Variants in PAX7 observed in about 807,000 individuals in gnomAD.
The protein encoded by PAX7 is paired box protein Pax-7.
In PAX7, 18 loss-of-function variants were observed where a neutral mutation model predicts 50.7. The ratio of observed to expected loss-of-function variants is 0.36; its 90% confidence interval spans 0.25 to 0.53. PAX7 has a LOEUF of 0.53. PAX7 is among the 20% of genes least tolerant of loss of function. The pLI, the probability that PAX7 is intolerant of heterozygous loss-of-function variation, is 0.93. For synonymous variants in PAX7, 310 were observed against 290.4 expected (o/e 1.07, Z -0.69); for missense variants, 644 against 702.9 (o/e 0.92, Z 0.95).
intron 4 of PAX7, among the ~76,000 whole-genome samples, chr1:18,644,367 T>G (rs2100442518): frequency 6.6e-6 from 1 of 152,298 alleles, no homozygotes; most frequent in Non-Finnish European, 1.5e-5. Context: ...ATTCAACTTC[T>G]TTGGGCCTCA....
At position 18,738,252 on chromosome 1, in the gene PAX7, G is replaced by C. The variant is rs1188223948; in HGVS notation, c.1402+2374G>C. Among the ~76,000 whole-genome samples the C allele has an allele frequency of 5.3e-5, 8 of 152,154 alleles. No homozygotes were observed. In the East Asian group the frequency reaches 1.5e-3, roughly 29 times the overall value. On this transcript the variant is annotated intron_variant, in intron 8 of 8. Transcript: ENST00000420770. ...CCAGAGGGTCCCAGGGTGACCTCCT[G>C]ACCCAGCCCGTGTTCCTGGGCATGC...
At chr1:18,651,393 C>T (rs558776705) in intron 4 of PAX7, among the ~76,000 whole-genome samples, 30 of 152,182 alleles carry the variant, frequency 2.0e-4, no homozygotes, top group African/African-American at 5.8e-4. Flanking sequence ...TGTAAAATTT[C>T]GCATCGTAAA....
At chr1:18,674,720 G>A (rs2088800731) in intron 4 of PAX7, among the ~76,000 whole-genome samples, 1 of 152,242 alleles carries the variant, frequency 6.6e-6, no homozygotes, top group Non-Finnish European at 1.5e-5. Context: ...GCTGATGGGT[G>A]AGAGGGGTTG....
chr1:18,722,619 G>C (rs2089509002), intron 7 of PAX7, among the ~76,000 whole-genome samples: 1 of 152,176 alleles, frequency 6.6e-6, no homozygotes, highest in South Asian at 2.1e-4. Flanking sequence ...TCCCTGCCCT[G>C]TGTGGGTGAG....
At position 18,726,032 on chromosome 1, in the gene PAX7, G is replaced by T. The variant is rs909242150; in HGVS notation, c.1156-9600G>T. On this transcript the variant is annotated intron_variant, in intron 7 of 8. Transcript: ENST00000420770. The surrounding 1 kb of genome is among the most constrained non-coding windows in gnomAD (Gnocchi z 4.8). ...TGCGCGCGTGTGTGTGCGTGTGTTT[G>T]TGTGTGTGTGTGTCTTTGACTTCTT... is the stretch of plus-strand genomic sequence containing the variant. Among the ~76,000 whole-genome samples the T allele has an allele frequency of 1.4e-5, 2 of 138,130 alleles. No homozygotes were observed. Among genetic ancestry groups the T allele is most frequent in the Non-Finnish European group, 3.4e-5 (2 of 59,448 alleles). 90.6% of individuals were successfully genotyped at this position (138,130 alleles called of 152,430 possible). A position where few individuals can be genotyped will look rare whatever the true frequency, so the allele number is the denominator to read the frequency against.
chr1:18,634,852 G>A lies in PAX7; in HGVS notation c.322-259G>A, dbSNP rs1322251863. Among the ~76,000 whole-genome samples, 11 of 152,120 alleles carry A rather than the reference G, an allele frequency of 7.2e-5. No individual in the cohort carries two copies. The highest frequency in any genetic ancestry group is 2.7e-4 in the African/African-American group (11 of 41,404). On this transcript the variant is annotated intron_variant, in intron 2 of 8. Coordinates refer to ENST00000420770, the MANE Select transcript of PAX7 (RefSeq NM_001135254.2). This position sits in a 1 kb window ranked among gnomAD's most constrained non-coding sequence, Gnocchi z 4.0. ...CAGTCTTTCCTGAGATAATGACGGGGACCCTGGGGGTCCTAATTAGAGTTT... is the reference window on the plus strand; with the variant it reads ...CAGTCTTTCCTGAGATAATGACGGGAACCCTGGGGGTCCTAATTAGAGTTT...
intron 7 of PAX7, among the ~76,000 whole-genome samples, chr1:18,715,383 A>G (rs930648549): frequency 6.6e-6 from 1 of 152,244 alleles, no homozygotes. Flanking sequence ...TTAAATAGTA[A>G]TAAGTAAAAT....
chr1:18,728,245 A>C (rs964036184), intron 7 of PAX7, among the ~76,000 whole-genome samples: 137 of 152,126 alleles, frequency 9.0e-4, no homozygotes, highest in African/African-American at 3.1e-3. Context: ...CTTTGTGTGC[A>C]CATCGGGGAG....
At chr1:18,694,119 A>C (rs1178434428) in intron 5 of PAX7, among the ~76,000 whole-genome samples, 1 of 152,188 alleles carries the variant, frequency 6.6e-6, no homozygotes, top group Non-Finnish European at 1.5e-5. Flanking sequence ...CTCCCCATTT[A>C]GCCTGAGAGC....
chr1:18,731,015 AAACCTTAC>A (rs1485458051), intron 7 of PAX7, among the ~76,000 whole-genome samples: 1 of 152,150 alleles, frequency 6.6e-6, no homozygotes, highest in African/African-American at 2.4e-5. Flanking sequence ...CCTTCAGATA[AAACCTTAC>A]AGATGTGGAG....
At chr1:18,731,978 C>T (rs575870632) in intron 7 of PAX7, among the ~76,000 whole-genome samples, 1 of 152,314 alleles carries the variant, frequency 6.6e-6, no homozygotes, top group Non-Finnish European at 1.5e-5. Context: ...CACCTTCTTG[C>T]TATTTCCTAA....
intron 4 of PAX7, among the ~76,000 whole-genome samples, chr1:18,681,563 A>T (rs116697251): frequency 6.6e-6 from 1 of 152,142 alleles, no homozygotes; most frequent in Non-Finnish European, 1.5e-5. Flanking sequence ...AGGAATGTAT[A>T]CACAGTGCCC....
Position 18,697,166 on chromosome 1 carries a change from T to G in PAX7, c.787-3487T>G, listed in dbSNP as rs1180588520. Among the ~76,000 whole-genome samples, 4 of 152,158 alleles carry G rather than the reference T, an allele frequency of 2.6e-5. No individual in the cohort carries two copies. In the East Asian group the frequency reaches 5.8e-4, roughly 22 times the overall value. ...TGAAGAGAAGGGCCAGATGGAATAT[T>G]GGACACAGTACACAGATGGCATCAA... On this transcript the variant is annotated intron_variant, in intron 5 of 8. Coordinates refer to ENST00000420770, the MANE Select transcript of PAX7 (RefSeq NM_001135254.2).
intron 3 of PAX7, 131 bp downstream of exon 3, chr1:18,635,371 A>G: frequency 9.4e-7 from 1 of 1,065,682 alleles, no homozygotes; most frequent in Non-Finnish European, 1.3e-6. Flanking sequence ...TTGGGAGGAA[A>G]GGAGTACAGA....
intron 7 of PAX7, among the ~76,000 whole-genome samples, chr1:18,713,892 T>A (rs1181716156): frequency 6.6e-6 from 1 of 152,168 alleles, no homozygotes; most frequent in African/African-American, 2.4e-5. Flanking sequence ...CACAGTGGAA[T>A]GAACATACAG....
At chr1:18,713,922 C>T (rs1570213786) in intron 7 of PAX7, among the ~76,000 whole-genome samples, 2 of 152,322 alleles carry the variant, frequency 1.3e-5, no homozygotes, top group East Asian at 1.9e-4. Flanking sequence ...CAAATGCTCA[C>T]GTGCTCAGCC....
intron 4 of PAX7, among the ~76,000 whole-genome samples, chr1:18,648,819 T>C (rs771227898): frequency 1.3e-5 from 2 of 151,956 alleles, no homozygotes; most frequent in Non-Finnish European, 2.9e-5. Context: ...GAGCCGAGAA[T>C]GTACCGGAAG....
chr1:18,689,066 G>A (rs2089019169), intron 4 of PAX7, among the ~76,000 whole-genome samples: 1 of 152,164 alleles, frequency 6.6e-6, no homozygotes, highest in Admixed American at 6.5e-5. Flanking sequence ...TCTGCCCAGA[G>A]ACTGCACTCC....
chr1:18,648,968 C>T (rs1187000465), intron 4 of PAX7, among the ~76,000 whole-genome samples: 1 of 152,126 alleles, frequency 6.6e-6, no homozygotes, highest in African/African-American at 2.4e-5. Context: ...GGAAAGCAGC[C>T]CATTCCCAGA....
Sources: allele counts gnomAD v4.1 joint callset (sites outside exome capture counted in the v4.1 genomes callset), GRCh38; gene constraint gnomAD v4.1.1; non-coding constraint Gnocchi (gnomAD v3.1); transcripts MANE v1.5; gene names NCBI Gene and HGNC (gene_info 2026-07-23, HGNC 2026-07-21).